The following KIAA1671 variants were observed in gnomAD, a reference collection of about 807,000 sequenced individuals.
The protein encoded by KIAA1671 is uncharacterized protein KIAA1671.
A neutral mutation model predicts 131.2 loss-of-function variants in KIAA1671; 52 were observed. That is an observed-to-expected ratio of 0.40 (90% CI 0.32 to 0.50). KIAA1671 has a LOEUF of 0.50. KIAA1671 is among the 20% of genes least tolerant of loss of function. The pLI, the probability that KIAA1671 is intolerant of heterozygous loss-of-function variation, is 0.73. For missense variants in KIAA1671, 2,360 were observed against 2,364.2 expected, an observed-to-expected ratio of 1.00 and a Z score of 0.04; for synonymous variants, 1,003 against 961.6, an observed-to-expected ratio of 1.04 and a Z score of -0.80.
At chr22:25,176,408 T>C (rs1229328293) in intron 8 of KIAA1671, 3 of 152,228 alleles carry the variant, frequency 2.0e-5, no homozygotes, top group Non-Finnish European at 2.9e-5. Flanking sequence ...CAACATTTCA[T>C]GTAAGAACGT....
intron 6 of KIAA1671, among the ~76,000 whole-genome samples, chr22:25,150,186 C>T (rs1017663354): frequency 4.6e-5 from 7 of 152,200 alleles, no homozygotes; most frequent in African/African-American, 9.6e-5. Flanking sequence ...TCCTCGATCC[C>T]GTGGTTTGTG....
chr22:24,976,895 T>C (rs1247801151), intron 1 of KIAA1671, among the ~76,000 whole-genome samples: 1 of 152,162 alleles, frequency 6.6e-6, no homozygotes, highest in East Asian at 1.9e-4. Context: ...GACCATGTTA[T>C]TGGGTCGGGG....
chr22:25,184,987 A>C lies in KIAA1671; in HGVS notation c.5210A>C (p.His1737Pro). 1.3e-6 allele frequency: 2 copies of C among 1,551,574 alleles called. No homozygotes were observed. The highest frequency in any genetic ancestry group is 1.7e-6 in the Non-Finnish European group (2 of 1,147,026). The stretch of plus-strand genomic sequence containing the variant: ...CTCTTTTCTCCCCAGGCTCAGCTGC[A>C]CAAGAGGCCAGAGGTGGACAGTCCT... ...MDPAVLKAQL[H>P]KRPEVDSPGE... Residue 1737 changes from histidine to proline, a missense_variant, in exon 11 of 13, where the codon CAC (histidine) becomes CCC (proline). This residue lies in a region of KIAA1671 where 1,161 missense variants were observed against 1,204.7 expected (regional missense o/e 0.96). Transcript: ENST00000358431.
At chr22:25,093,236 G>A (rs9624725) in intron 6 of KIAA1671, among the ~76,000 whole-genome samples, 13,667 of 152,166 alleles carry the variant, frequency 0.09, 797 homozygotes, top group South Asian at 0.19. Context: ...AGTCCACAGC[G>A]CATTGGTGGA....
chr22:25,072,451 A>G (rs1928879047), intron 6 of KIAA1671, among the ~76,000 whole-genome samples: 1 of 152,068 alleles, frequency 6.6e-6, no homozygotes, highest in Non-Finnish European at 1.5e-5. Context: ...GTCCTGGGGG[A>G]GTGAGGAGCC....
chr22:25,100,042 T>C (rs577474357), intron 6 of KIAA1671, among the ~76,000 whole-genome samples: 1 of 152,296 alleles, frequency 6.6e-6, no homozygotes, highest in East Asian at 1.9e-4. Context: ...CTGGTGGCCT[T>C]GCAGAGGAAG....
Position 25,179,598 on chromosome 22 carries a change from C to T in KIAA1671, c.5074+2076C>T, listed in dbSNP as rs1051525438. On this transcript the variant is annotated intron_variant, in intron 9 of 12. Coordinates refer to ENST00000358431, the MANE Select transcript of KIAA1671 (RefSeq NM_001145206.2). ...CCGCTTCCCCTGCCCAATGCGTTGG[C>T]CTCCAGGGTGGCACTCCCAAAAGTG... The T allele has an allele frequency of 2.0e-5, 25 of 1,244,708 alleles. No individual in the cohort carries two copies. The Middle Eastern group carries it at 7.2e-4, about 36-fold the overall frequency. 77.1% of individuals were successfully genotyped at this position (1,244,708 alleles called of 1,614,324 possible).
At chr22:25,170,714 G>C in intron 6 of KIAA1671, 106 bp from the exon 7 acceptor site, 1 of 1,089,568 alleles carries the variant, frequency 9.2e-7, no homozygotes, top group Non-Finnish European at 1.4e-6. Flanking sequence ...GGGTTGCTGG[G>C]ATGGGTTTGA....
intron 4 of KIAA1671, 144 bp from the exon 5 acceptor site, chr22:25,038,616 C>A: frequency 2.2e-6 from 2 of 899,696 alleles, no homozygotes; most frequent in Non-Finnish European, 3.3e-6. Context: ...TCCTCACCCA[C>A]ACTGGGTGTG....
intron 6 of KIAA1671, among the ~76,000 whole-genome samples, chr22:25,165,972 C>CCGTA (rs374346034): frequency 2.5e-4 from 38 of 152,254 alleles, no homozygotes; most frequent in African/African-American, 9.1e-4. Context: ...GTCCCGCAGG[C>CCGTA]CGTAACCCTT....
At chr22:25,076,865 A>G (rs573333131) in intron 6 of KIAA1671, among the ~76,000 whole-genome samples, 96 of 152,314 alleles carry the variant, frequency 6.3e-4, no homozygotes, top group African/African-American at 2.2e-3. Flanking sequence ...GTCTCATTAT[A>G]TCCTTATAAG....
At chr22:25,084,661 TC>T (rs1929607152) in intron 6 of KIAA1671, among the ~76,000 whole-genome samples, 1 of 152,074 alleles carries the variant, frequency 6.6e-6, no homozygotes. Context: ...ATCCTGTGGG[TC>T]AGAAATTAGG....
At chr22:25,089,494 G>C (rs1435652776) in intron 6 of KIAA1671, among the ~76,000 whole-genome samples, 1 of 151,732 alleles carries the variant, frequency 6.6e-6, no homozygotes, top group African/African-American at 2.4e-5. Context: ...GGTTGGTTTC[G>C]AACTCCCAAC....
chr22:25,159,417 C>T (rs1311020359), intron 6 of KIAA1671, among the ~76,000 whole-genome samples: 1 of 152,136 alleles, frequency 6.6e-6, no homozygotes, highest in South Asian at 2.1e-4. Flanking sequence ...TCTCCCTGGA[C>T]GTCAGGTCCA....
chr22:25,047,426 C>G (rs999721600), intron 5 of KIAA1671, among the ~76,000 whole-genome samples: 2 of 151,258 alleles, frequency 1.3e-5, no homozygotes, highest in African/African-American at 4.9e-5. Flanking sequence ...GCTAGGATTA[C>G]AGGCGTGAGC....
Position 25,142,964 on chromosome 22 carries a change from C to T in KIAA1671, c.4531-27856C>T, listed in dbSNP as rs1023800239. Among the ~76,000 whole-genome samples, 4 of 152,244 alleles carry T rather than the reference C, an allele frequency of 2.6e-5. No homozygotes were observed. In the East Asian group the frequency reaches 5.8e-4, roughly 22 times the overall value. On this transcript the variant is annotated intron_variant, in intron 6 of 12. Transcript: ENST00000358431. ...GGACTGGCCCTTCAGAGGCAGGCCC[C>T]AGCTGCGCTTCCGTTCTCAAACTCA...
At chr22:25,187,882 A>G (rs971741776) in intron 11 of KIAA1671, among the ~76,000 whole-genome samples, 2 of 152,366 alleles carry the variant, frequency 1.3e-5, no homozygotes, top group East Asian at 3.9e-4. Flanking sequence ...AGAAGGTTAA[A>G]AAATAAAAGT....
rs1465565963 is a variant in KIAA1671 at position 25,025,649 on chromosome 22, C to A, written c.-191C>A. The A allele has an allele frequency of 1.3e-5, 2 of 152,216 alleles. No individual in the cohort carries two copies. Among genetic ancestry groups the A allele is most frequent in the Admixed American group, 1.3e-4 (2 of 15,286 alleles). The allele number at this position is 152,216 out of a possible 1,614,324, so 9.4% of individuals were successfully genotyped here. A position where few individuals can be genotyped will look rare whatever the true frequency, so the allele number is the denominator to read the frequency against. ...TCTCCTTAGACCTGCTGAAACTCAG[C>A]CTGCTGGGACGAGTCTTCTTTCCCC... On this transcript the variant is annotated 5_prime_UTR_variant, in exon 2 of 13. Coordinates refer to ENST00000358431, the MANE Select transcript of KIAA1671 (RefSeq NM_001145206.2).
chr22:25,026,840 A>G (rs1925970318), intron 2 of KIAA1671, among the ~76,000 whole-genome samples: 1 of 152,022 alleles, frequency 6.6e-6, no homozygotes, highest in African/African-American at 2.4e-5. Context: ...CTTCATCTCC[A>G]TGAGGGAGAT....
Sources: gnomAD v4.1 joint callset for allele counts (sites outside exome capture counted in the v4.1 genomes callset) on GRCh38, gnomAD v4.1.1 for gene constraint, gnomAD v4.1.1 regional missense constraint, MANE v1.5 for transcripts, NCBI Gene and HGNC (gene_info 2026-07-23, HGNC 2026-07-21) for gene names.